CAPZB: variants seen among roughly 807,000 people sequenced by gnomAD.
The protein encoded by CAPZB is capping actin protein of muscle Z-line subunit beta.
CAPZB carries 2 observed loss-of-function variants against 38.1 expected under a neutral mutation model. That is an observed-to-expected ratio of 0.05 (90% CI 0.02 to 0.17). The LOEUF is 0.17. Among genes scored for constraint, CAPZB ranks in the 10% least tolerant of loss-of-function variants. The pLI is 1.00. For synonymous variants in CAPZB, 107 were observed against 127.4 expected, an observed-to-expected ratio of 0.84 and a Z score of 1.08; for missense variants, 161 against 334.2, an observed-to-expected ratio of 0.48 and a Z score of 4.04.
At chr1:19,403,466 A>C (rs1311953336) in intron 2 of CAPZB, among the ~76,000 whole-genome samples, 1 of 152,234 alleles carries the variant, frequency 6.6e-6, no homozygotes, top group African/African-American at 2.4e-5. Context: ...ACAAAGATGC[A>C]ACAAGACAGG....
intron 1 of CAPZB, chr1:19,448,810 C>A (rs369333241): frequency 2.5e-6 from 4 of 1,612,512 alleles, no homozygotes; most frequent in South Asian, 2.2e-5. Context: ...CCTCCTCCCC[C>A]CTCAGATCTA....
chr1:19,393,081 G>A (rs1451123917), intron 2 of CAPZB, among the ~76,000 whole-genome samples: 1 of 152,206 alleles, frequency 6.6e-6, no homozygotes, highest in Non-Finnish European at 1.5e-5. Context: ...AACTCCCCAA[G>A]GGCAGCTTCG....
intron 2 of CAPZB, among the ~76,000 whole-genome samples, chr1:19,390,341 C>A (rs1312184104): frequency 6.6e-6 from 1 of 152,242 alleles, no homozygotes; most frequent in Non-Finnish European, 1.5e-5. Flanking sequence ...CAGGGAGGGC[C>A]TCTGAGGAGG....
intron 1 of CAPZB, among the ~76,000 whole-genome samples, chr1:19,463,662 A>C (rs1331586083): frequency 2.0e-5 from 3 of 152,126 alleles, no homozygotes. Context: ...AGGCCCCAGG[A>C]GGCTGGTACA....
At chr1:19,350,048 G>C (rs927402400) in intron 6 of CAPZB, among the ~76,000 whole-genome samples, 12 of 152,236 alleles carry the variant, frequency 7.9e-5, no homozygotes, top group Non-Finnish European at 1.6e-4. Flanking sequence ...TCTGAAGCCG[G>C]AGCCTGGCCC....
At chr1:19,400,881 C>T (rs1003757608) in intron 2 of CAPZB, among the ~76,000 whole-genome samples, 1 of 152,208 alleles carries the variant, frequency 6.6e-6, no homozygotes, top group African/African-American at 2.4e-5. Context: ...AGAGCTCAGC[C>T]TCCTACCACC....
chr1:19,360,560 A>C (rs995012853), intron 4 of CAPZB, among the ~76,000 whole-genome samples: 1 of 152,216 alleles, frequency 6.6e-6, no homozygotes, highest in Non-Finnish European at 1.5e-5. Flanking sequence ...GAACCAGGAG[A>C]AATCCCGATG....
chr1:19,387,600 G>C (rs1259918587), intron 2 of CAPZB, among the ~76,000 whole-genome samples: 1 of 152,172 alleles, frequency 6.6e-6, no homozygotes, highest in East Asian at 1.9e-4. Flanking sequence ...CATTCTCTCT[G>C]GTTGGAGTCC....
chr1:19,356,951 T>A lies in CAPZB; in HGVS notation c.472-200A>T, dbSNP rs1478102247. 6.6e-6 allele frequency among the ~76,000 whole-genome samples: 1 copy of A among 152,004 alleles called. No individual in the cohort carries two copies. ...ATCTCAAGTCACTGCAGCCTCCACC[T>A]CCCAGGTTCAAGCGATTCTCCTGCC... On this transcript the variant is annotated intron_variant, in intron 5 of 8. Coordinates refer to ENST00000264202, the MANE Select transcript of CAPZB (RefSeq NM_004930.5). The surrounding 1 kb of genome is among the most constrained non-coding windows in gnomAD (Gnocchi z 4.3).
intron 1 of CAPZB, among the ~76,000 whole-genome samples, chr1:19,444,475 G>A (rs934907930): frequency 6.6e-6 from 1 of 152,090 alleles, no homozygotes; most frequent in East Asian, 1.9e-4. Context: ...AACTAATGAC[G>A]AACACAAAGG....
At position 19,432,352 on chromosome 1, in the gene CAPZB, G is replaced by C. The variant is rs577689439; in HGVS notation, c.4-12602C>G. ...AGCTACCCAGGAGGCTGAGGTATGA[G>C]AATCACTTGAACCTAGGTGGCCGAG... On this transcript the variant is annotated intron_variant, in intron 1 of 8. Coordinates refer to ENST00000264202, the MANE Select transcript of CAPZB (RefSeq NM_004930.5). 7.5e-4 allele frequency among the ~76,000 whole-genome samples: 114 copies of C among 152,174 alleles called. 1 individual carries two copies. Among genetic ancestry groups the C allele is most frequent in the Middle Eastern group, 3.4e-3 (1 of 294 alleles).
intron 1 of CAPZB, among the ~76,000 whole-genome samples, chr1:19,457,047 C>CA (rs1479610937): frequency 6.6e-6 from 1 of 152,088 alleles, no homozygotes; most frequent in Admixed American, 6.5e-5. Flanking sequence ...GGGTTAACCC[C>CA]AGAAAGGCAG....
chr1:19,400,613 C>T (rs2094298306), intron 2 of CAPZB, among the ~76,000 whole-genome samples: 1 of 152,164 alleles, frequency 6.6e-6, no homozygotes, highest in Non-Finnish European at 1.5e-5. Flanking sequence ...TTACGTCTCA[C>T]ATTTCTCATC....
chr1:19,476,168 GTAGATAGATAGA>G (rs200136717), intron 1 of CAPZB, among the ~76,000 whole-genome samples: 3,235 of 33,182 alleles, frequency 0.097, 89 homozygotes, highest in South Asian at 0.15. Context: ...TAAAAAATAA[GTAGATAGATAGA>G]TAGATAGATA....
At chr1:19,348,709 A>C (rs1385631753) in intron 6 of CAPZB, among the ~76,000 whole-genome samples, 1 of 140,998 alleles carries the variant, frequency 7.1e-6, no homozygotes, top group East Asian at 2.2e-4. Flanking sequence ...CTCACAAAGC[A>C]ATGTGGTCTG....
At chr1:19,340,989 G>A (rs575762159) in intron 8 of CAPZB, among the ~76,000 whole-genome samples, 114 of 152,214 alleles carry the variant, frequency 7.5e-4, no homozygotes, top group Middle Eastern at 3.4e-3. Flanking sequence ...AGCAAAAATG[G>A]GCAAATGGAA....
At chr1:19,387,958 A>C (rs2094212696) in intron 2 of CAPZB, among the ~76,000 whole-genome samples, 2 of 152,194 alleles carry the variant, frequency 1.3e-5, no homozygotes, top group African/African-American at 4.8e-5. Flanking sequence ...TCAGATGGCA[A>C]CAATAGCCTG....
intron 2 of CAPZB, among the ~76,000 whole-genome samples, chr1:19,386,554 A>C (rs2094205241): frequency 6.6e-6 from 1 of 152,188 alleles, no homozygotes; most frequent in African/African-American, 2.4e-5. Flanking sequence ...GAAAAATTCC[A>C]TCGTATGGCA....
chr1:19,395,201 C>T (rs535503644), intron 2 of CAPZB, among the ~76,000 whole-genome samples: 2 of 152,222 alleles, frequency 1.3e-5, no homozygotes, highest in African/African-American at 2.4e-5. Flanking sequence ...TGACTCAAGG[C>T]GGGGGTTGTG....
Sources: allele counts gnomAD v4.1 joint callset (sites outside exome capture counted in the v4.1 genomes callset), GRCh38; gene constraint gnomAD v4.1.1; non-coding constraint Gnocchi (gnomAD v3.1); transcripts MANE v1.5; gene names NCBI Gene and HGNC (gene_info 2026-07-23, HGNC 2026-07-21).